The following DBT variants were observed in gnomAD, a reference collection of about 807,000 sequenced individuals.
DBT encodes lipoamide acyltransferase component of branched-chain alpha-keto acid dehydrogenase complex, mitochondrial.
DBT carries 40 observed loss-of-function variants against 51.3 expected under a neutral mutation model. The observed-to-expected ratio is 0.78, with a 90% CI of 0.61 to 1.02. DBT has a LOEUF of 1.02. Among genes scored for constraint, DBT ranks in the 50% least tolerant of loss-of-function variants. The pLI, the probability that DBT is intolerant of heterozygous loss-of-function variation, is 0.00. For synonymous variants in DBT, 181 were observed against 190.4 expected (o/e 0.95, Z 0.41); for missense variants, 510 against 580.2 (o/e 0.88, Z 1.24).
Position 100,194,106 on chromosome 1 carries a change from G to T in DBT, c.*2149C>A, listed in dbSNP as rs1046543872. The T allele has an allele frequency of 4.6e-5, 7 of 151,958 alleles. No homozygotes were observed. The highest frequency in any genetic ancestry group is 1.7e-4 in the African/African-American group (7 of 41,372). 9.4% of individuals were successfully genotyped at this position (151,958 alleles called of 1,614,324 possible). A position where few individuals can be genotyped will look rare whatever the true frequency, so the allele number is the denominator to read the frequency against. On this transcript the variant is annotated 3_prime_UTR_variant, in exon 11 of 11. Transcript: ENST00000370132. ...ATTATGAATGACTTTTTCTTTTATT[G>T]GTTAACTCTTTGTATTATCTGAAAT...
At position 100,188,091 on chromosome 1, in the gene DBT, A is replaced by T. The variant is rs1425522538; in HGVS notation, c.*8164T>A. 1 of 152,214 alleles carries T rather than the reference A, an allele frequency of 6.6e-6. No individual in the cohort carries two copies. The highest frequency in any genetic ancestry group is 1.5e-5 in the Non-Finnish European group (1 of 68,040). 9.4% of individuals were successfully genotyped at this position (152,214 alleles called of 1,614,324 possible). On this transcript the variant is annotated 3_prime_UTR_variant, in exon 11 of 11. Transcript: ENST00000370132. ...AACAATTGAACCAACAGGCCCTTCT[A>T]ATCTTATGCCAGCAACACAATGGGA...
intron 1 of DBT, among the ~76,000 whole-genome samples, chr1:100,242,396 A>C (rs1250100017): frequency 6.6e-6 from 1 of 152,122 alleles, no homozygotes; most frequent in Non-Finnish European, 1.5e-5. Flanking sequence ...TTAAATTCTT[A>C]TTTTTTTACT....
At chr1:100,213,397 C>T (rs1249015634) in intron 7 of DBT, 2 of 1,565,726 alleles carry the variant, frequency 1.3e-6, no homozygotes, top group East Asian at 2.4e-5. Context: ...CCATCCCCGC[C>T]GCGCCCCCGC....
At chr1:100,247,970 C>T (rs535375208) in intron 1 of DBT, among the ~76,000 whole-genome samples, 1 of 151,590 alleles carries the variant, frequency 6.6e-6, no homozygotes, top group South Asian at 2.1e-4. Flanking sequence ...GGCATGGTGG[C>T]GTGTGCCTGT....
rs1253367906 is a variant in DBT at position 100,188,230 on chromosome 1, T to A, written c.*8025A>T. On this transcript the variant is annotated 3_prime_UTR_variant, in exon 11 of 11. Coordinates refer to ENST00000370132, the MANE Select transcript of DBT (RefSeq NM_001918.5). Reference sequence around the variant, plus strand: ...AATATCTAATGTTTCAAACTGTTAGTCCTGTTCTGATTTATATTCATCCCT... The same window carrying A: ...AATATCTAATGTTTCAAACTGTTAGACCTGTTCTGATTTATATTCATCCCT... 6.6e-6 allele frequency: 1 copy of A among 152,218 alleles called. No individual in the cohort carries two copies. The highest frequency in any genetic ancestry group is 2.4e-5 in the African/African-American group (1 of 41,462). 9.4% of individuals were successfully genotyped at this position (152,218 alleles called of 1,614,324 possible).
chr1:100,213,949 CAAAAAAA>C (rs758614475), intron 7 of DBT, among the ~76,000 whole-genome samples: 9 of 118,398 alleles, frequency 7.6e-5, no homozygotes, highest in Non-Finnish European at 1.5e-4. Context: ...AGATTCATAC[CAAAAAAA>C]AAAAAAAAAA....
intron 8 of DBT, among the ~76,000 whole-genome samples, chr1:100,207,665 AT>A (rs956912642): frequency 1.3e-5 from 2 of 151,850 alleles, no homozygotes; most frequent in African/African-American, 4.8e-5. Flanking sequence ...CTACAAAAAA[AT>A]TTTTTTTAAT....
intron 10 of DBT, among the ~76,000 whole-genome samples, chr1:100,203,327 C>T (rs1400621597): frequency 6.6e-6 from 1 of 152,156 alleles, no homozygotes; most frequent in East Asian, 1.9e-4. Context: ...AACACCTCTT[C>T]ACATATAAAC....
rs1427389378 is a variant in DBT at position 100,195,760 on chromosome 1, G to A, written c.*495C>T. 2 of 175,156 alleles carry A rather than the reference G, an allele frequency of 1.1e-5. No homozygotes were observed. Among genetic ancestry groups the A allele is most frequent in the African/African-American group, 4.8e-5 (2 of 41,736 alleles). 10.9% of individuals were successfully genotyped at this position (175,156 alleles called of 1,614,324 possible). On this transcript the variant is annotated 3_prime_UTR_variant, in exon 11 of 11. Coordinates refer to ENST00000370132, the MANE Select transcript of DBT (RefSeq NM_001918.5). ...GCTCACTGCAACCTCCACCTCCCAG[G>A]TTCAAGCGATTCTCCTGCCTCAGCC...
At chr1:100,232,266 C>A (rs1663589537) in intron 3 of DBT, among the ~76,000 whole-genome samples, 1 of 148,760 alleles carries the variant, frequency 6.7e-6, no homozygotes, top group South Asian at 2.2e-4. Context: ...TATGACTTAT[C>A]CCCATCATAA....
At chr1:100,231,560 A>G (rs929378953) in intron 3 of DBT, among the ~76,000 whole-genome samples, 7 of 152,192 alleles carry the variant, frequency 4.6e-5, no homozygotes, top group Admixed American at 1.3e-4. Context: ...TTTCTGACTT[A>G]TTGCCAGCAA....
chr1:100,202,866 G>C (rs904243082), intron 10 of DBT, among the ~76,000 whole-genome samples: 1 of 152,282 alleles, frequency 6.6e-6, no homozygotes, highest in Non-Finnish European at 1.5e-5. Context: ...AAATAAAGAT[G>C]TTCTTTGAAA....
intron 4 of DBT, among the ~76,000 whole-genome samples, chr1:100,226,822 C>T (rs1287195052): frequency 6.6e-6 from 1 of 151,998 alleles, no homozygotes; most frequent in East Asian, 1.9e-4. Context: ...CACATAGGAG[C>T]CAGGTTGAAG....
chr1:100,206,156 A>G, intron 10 of DBT, 74 bp downstream of exon 10: 1 of 984,098 alleles, frequency 1.0e-6, no homozygotes, highest in Non-Finnish European at 1.6e-6. Context: ...GAAACCTTAG[A>G]AATGGTTACT....
intron 1 of DBT, among the ~76,000 whole-genome samples, chr1:100,246,271 T>A (rs1193761853): frequency 2.0e-5 from 3 of 151,700 alleles, no homozygotes; most frequent in Admixed American, 6.6e-5. Flanking sequence ...AAAATAAAAA[T>A]AAAAAATTAA....
intron 3 of DBT, among the ~76,000 whole-genome samples, chr1:100,235,016 C>T (rs1663784138): frequency 6.6e-6 from 1 of 152,152 alleles, no homozygotes; most frequent in Admixed American, 6.5e-5. Context: ...TTGTCTGTTT[C>T]AGGCCCTTTT....
chr1:100,233,938 C>T (rs1354914308), intron 3 of DBT, among the ~76,000 whole-genome samples: 4 of 152,100 alleles, frequency 2.6e-5, no homozygotes, highest in Non-Finnish European at 5.9e-5. Flanking sequence ...ATAAGCCTGC[C>T]AGGGCAAATT....
In DBT at chr1:100,248,865, C is replaced by A. The variant is rs577226625; in HGVS notation, c.51+905G>T. Among the ~76,000 whole-genome samples the A allele has an allele frequency of 4.7e-4, 71 of 152,328 alleles. 1 individual carries two copies. In the South Asian group the frequency reaches 0.014, roughly 31 times the overall value. On this transcript the variant is annotated intron_variant, in intron 1 of 10. Transcript: ENST00000370132. ...CCATAGGTGTCCACTCCTGTGTGTTCCTGTAGTTCTAGGCACTTGTCCCAT... is the reference window on the plus strand; with the variant it reads ...CCATAGGTGTCCACTCCTGTGTGTTACTGTAGTTCTAGGCACTTGTCCCAT...
chr1:100,244,586 G>C (rs1272312141), intron 1 of DBT, among the ~76,000 whole-genome samples: 1 of 152,102 alleles, frequency 6.6e-6, no homozygotes, highest in Non-Finnish European at 1.5e-5. Context: ...ACACGTTCAA[G>C]ATCCCCCGGT....
Sources: gnomAD v4.1 joint callset for allele counts (sites outside exome capture counted in the v4.1 genomes callset) on GRCh38, gnomAD v4.1.1 for gene constraint, MANE v1.5 for transcripts, NCBI Gene and HGNC (gene_info 2026-07-23, HGNC 2026-07-21) for gene names.